The following MCTP2 variants were observed in gnomAD, a reference collection of about 807,000 sequenced individuals.
MCTP2 encodes multiple C2 and transmembrane domain containing 2, also known as multiple C2 and transmembrane domain-containing protein 2.
Under a neutral mutation model 111.6 loss-of-function variants are expected in MCTP2, and 132 were observed. That is an observed-to-expected ratio of 1.18 (90% CI 1.03 to 1.37). The LOEUF (loss-of-function observed/expected upper bound fraction) is 1.37. MCTP2 is among the 40% of genes most tolerant of loss of function. MCTP2 has a pLI of 0.00. For synonymous variants in MCTP2, 395 were observed against 387.7 expected (o/e 1.02, Z -0.22); for missense variants, 1,183 against 1,067.9 (o/e 1.11, Z -1.50).
At chr15:94,247,087 T>G (rs1010965269) in intron 1 of MCTP2, among the ~76,000 whole-genome samples, 1 of 152,130 alleles carries the variant, frequency 6.6e-6, no homozygotes, top group African/African-American at 2.4e-5. Context: ...GTTTATTAAT[T>G]TATATTTAAA....
intron 2 of MCTP2, among the ~76,000 whole-genome samples, chr15:94,304,215 G>T (rs535608006): frequency 1.3e-5 from 2 of 152,346 alleles, no homozygotes; most frequent in East Asian, 3.9e-4. Flanking sequence ...GCTAACATGG[G>T]TGGATCACTT....
chr15:94,454,885 A>G (rs2084711973), intron 19 of MCTP2, among the ~76,000 whole-genome samples: 1 of 152,112 alleles, frequency 6.6e-6, no homozygotes, highest in Non-Finnish European at 1.5e-5. Flanking sequence ...CAGTGCCGTG[A>G]TCTTGCCTCA....
chr15:94,240,501 C>A (rs1395024889), intron 1 of MCTP2, among the ~76,000 whole-genome samples: 1 of 152,178 alleles, frequency 6.6e-6, no homozygotes, highest in African/African-American at 2.4e-5. Context: ...AATTCCTCTA[C>A]CTCCTGAGTT....
intron 1 of MCTP2, among the ~76,000 whole-genome samples, chr15:94,256,942 T>C (rs2072811012): frequency 6.6e-6 from 1 of 152,176 alleles, no homozygotes; most frequent in Non-Finnish European, 1.5e-5. Context: ...ACAAATCAAA[T>C]CAATCAATCC....
chr15:94,336,410 G>T (rs1015311364), intron 4 of MCTP2, among the ~76,000 whole-genome samples: 116 of 152,290 alleles, frequency 7.6e-4, no homozygotes, highest in African/African-American at 2.7e-3. Context: ...TGGGTTGCCT[G>T]CTGCCCCTTA....
intron 9 of MCTP2, among the ~76,000 whole-genome samples, chr15:94,357,516 A>G (rs1182039941): frequency 6.6e-6 from 1 of 151,486 alleles, no homozygotes; most frequent in Non-Finnish European, 1.5e-5. Context: ...GGAATACTGC[A>G]TTTAATTTGT....
chr15:94,332,343 T>C lies in MCTP2; in HGVS notation c.638-6947T>C, dbSNP rs74028559. Among the ~76,000 whole-genome samples, 1,460 of 152,268 alleles carry C rather than the reference T, an allele frequency of 9.6e-3. 23 individuals carry two copies. The highest frequency in any genetic ancestry group is 0.031 in the African/African-American group (1,308 of 41,566). Reference sequence around the variant, plus strand: ...TAAAAGAAGCTCAGGGCTGATTCTTTTCCCAACAAAAAGAGAAGATCCTAA... The same window carrying C: ...TAAAAGAAGCTCAGGGCTGATTCTTCTCCCAACAAAAAGAGAAGATCCTAA... On this transcript the variant is annotated intron_variant, in intron 4 of 22. Coordinates refer to ENST00000357742, the MANE Select transcript of MCTP2 (RefSeq NM_001385001.1).
At chr15:94,293,653 C>G (rs908795766) in intron 1 of MCTP2, among the ~76,000 whole-genome samples, 4 of 152,142 alleles carry the variant, frequency 2.6e-5, no homozygotes, top group African/African-American at 7.2e-5. Context: ...ATACACATAC[C>G]TATTAGAATG....
chr15:94,318,671 C>G (rs1418127814), intron 4 of MCTP2, among the ~76,000 whole-genome samples: 1 of 152,132 alleles, frequency 6.6e-6, no homozygotes, highest in Non-Finnish European at 1.5e-5. Flanking sequence ...AGTTCTTTCT[C>G]CCTCACTGCT....
In MCTP2 at chr15:94,464,256, ATTATAT is replaced by A. The variant is rs1184122121; in HGVS notation, c.2360+6011_2360+6016del. 2.5e-4 allele frequency among the ~76,000 whole-genome samples: 11 copies of A among 43,942 alleles called. 1 individual carries two copies. The highest frequency in any genetic ancestry group is 7.4e-4 in the African/African-American group (7 of 9,400). The allele number at this position is 43,942 out of a possible 152,430, so 28.8% of individuals were successfully genotyped here. On this transcript the variant is annotated intron_variant, in intron 20 of 22. Transcript: ENST00000357742. Reference sequence around the variant, plus strand: ...ATATATATAATATATATATATATATATTATATATATATATATATATATAAACGTCAG... The same window carrying A: ...ATATATATAATATATATATATATATAATATATATATATATATAAACGTCAG...
intron 1 of MCTP2, among the ~76,000 whole-genome samples, chr15:94,292,335 T>C (rs762335848): frequency 6.6e-6 from 1 of 152,084 alleles, no homozygotes; most frequent in Non-Finnish European, 1.5e-5. Flanking sequence ...AGGCATAGCA[T>C]ATGGAGAGGA....
chr15:94,348,646 T>C (rs1596438293), intron 8 of MCTP2, among the ~76,000 whole-genome samples: 1 of 149,760 alleles, frequency 6.7e-6, no homozygotes, highest in East Asian at 2.0e-4. Context: ...CCTCTCTCAC[T>C]GTACCGCTTT....
intron 20 of MCTP2, among the ~76,000 whole-genome samples, chr15:94,459,007 A>C (rs931547028): frequency 7.4e-6 from 1 of 135,838 alleles, no homozygotes; most frequent in East Asian, 2.2e-4. Context: ...AACTCCAGTT[A>C]AGAAAGACTG....
At chr15:94,412,855 C>A (rs2082212962) in intron 17 of MCTP2, among the ~76,000 whole-genome samples, 1 of 151,878 alleles carries the variant, frequency 6.6e-6, no homozygotes, top group South Asian at 2.1e-4. Flanking sequence ...TCATTACCCC[C>A]ATCCCCAAAT....
intron 2 of MCTP2, among the ~76,000 whole-genome samples, chr15:94,300,337 A>G (rs1009774202): frequency 2.0e-5 from 3 of 152,046 alleles, no homozygotes; most frequent in South Asian, 2.1e-4. Context: ...GTGAAACCCC[A>G]TCTCTACTAA....
Position 94,458,123 on chromosome 15 carries a change from T to G in MCTP2, c.2251-14T>G. 1 of 1,487,292 alleles carries G rather than the reference T, an allele frequency of 6.7e-7. No homozygotes were observed. The highest frequency in any genetic ancestry group is 1.1e-5 in the South Asian group (1 of 88,004). The allele number at this position is 1,487,292 out of a possible 1,614,324, so 92.1% of individuals were successfully genotyped here. On this transcript the variant is annotated splice_polypyrimidine_tract_variant and intron_variant, in intron 19 of 22. Coordinates refer to ENST00000357742, the MANE Select transcript of MCTP2 (RefSeq NM_001385001.1). ...TGAAGTAACTGAGTTAAATCTTGCT[T>G]TTATGTTTTCTAGGAATCTGAGAAA...
intron 1 of MCTP2, among the ~76,000 whole-genome samples, chr15:94,257,566 G>GTTTTTTTTT (rs1220635423): frequency 1.1e-4 from 8 of 72,998 alleles, no homozygotes; most frequent in Non-Finnish European, 1.9e-4. Flanking sequence ...CATTTTCTTT[G>GTTTTTTTTT]TTGTTTTTTT....
At chr15:94,442,179 G>A (rs1314395853) in intron 18 of MCTP2, among the ~76,000 whole-genome samples, 1 of 152,190 alleles carries the variant, frequency 6.6e-6, no homozygotes, top group Non-Finnish European at 1.5e-5. Flanking sequence ...CTAACACTGA[G>A]CTTTCTTTCC....
intron 20 of MCTP2, among the ~76,000 whole-genome samples, chr15:94,464,073 C>G (rs1198004248): frequency 2.7e-5 from 4 of 150,614 alleles, no homozygotes; most frequent in Non-Finnish European, 5.9e-5. Context: ...ATTCTAAACT[C>G]ATAATACAAG....
Sources: gnomAD v4.1 joint callset for allele counts (sites outside exome capture counted in the v4.1 genomes callset) on GRCh38, gnomAD v4.1.1 for gene constraint, MANE v1.5 for transcripts, NCBI Gene and HGNC (gene_info 2026-07-23, HGNC 2026-07-21) for gene names.